PPFIBP2: variants seen among roughly 807,000 people sequenced by gnomAD.
PPFIBP2 encodes PPFIB scaffold protein 2.
A neutral mutation model predicts 118.3 loss-of-function variants in PPFIBP2; 118 were observed. That is an observed-to-expected ratio of 1.00 (90% CI 0.86 to 1.16). The LOEUF (loss-of-function observed/expected upper bound fraction) is 1.16, where lower values mean the gene tolerates loss of function less well. Among genes scored for constraint, PPFIBP2 ranks in the 50% most tolerant of loss-of-function variants. PPFIBP2 has a pLI of 0.00. For synonymous variants in PPFIBP2, 414 were observed against 397.4 expected (o/e 1.04, Z -0.50); for missense variants, 1,195 against 1,073.1 (o/e 1.11, Z -1.59).
rs1853654644 is a variant in PPFIBP2 at position 7,649,530 on chromosome 11, A to AG, written c.1999-1dup. The AG allele has an allele frequency of 1.9e-6, 3 of 1,614,022 alleles. No homozygotes were observed. Among genetic ancestry groups the AG allele is most frequent in the Non-Finnish European group, 2.5e-6 (3 of 1,180,034 alleles). ...TTTATAAACCAAACTTTCCTCTTTC[A>AG]GAACGATTTACTCTTCTTAAAAGTC... On this transcript the variant is annotated splice_acceptor_variant, in intron 20 of 23. Coordinates refer to ENST00000299492, the MANE Select transcript of PPFIBP2 (RefSeq NM_003621.5). LOFTEE classifies it high-confidence loss of function.
At chr11:7,628,932 A>G (rs1850384166) in intron 9 of PPFIBP2, among the ~76,000 whole-genome samples, 1 of 152,168 alleles carries the variant, frequency 6.6e-6, no homozygotes, top group African/African-American at 2.4e-5. Flanking sequence ...AGTAAATAGC[A>G]CAGCCAGCTT....
chr11:7,633,917 G>T (rs1342691373), intron 12 of PPFIBP2, among the ~76,000 whole-genome samples: 1 of 152,180 alleles, frequency 6.6e-6, no homozygotes, highest in Non-Finnish European at 1.5e-5. Flanking sequence ...ACCACTGGTG[G>T]CATTGCCTCT....
the PPFIBP2 span, among the ~76,000 whole-genome samples, chr11:7,662,287 G>T: frequency 6.6e-6 from 1 of 152,070 alleles, no homozygotes; most frequent in Admixed American, 6.5e-5. Flanking sequence ...GACTGGTACC[G>T]GTTGTTCCTT....
At chr11:7,619,668 A>T (rs1473607161) in intron 6 of PPFIBP2, among the ~76,000 whole-genome samples, 1 of 152,240 alleles carries the variant, frequency 6.6e-6, no homozygotes, top group Non-Finnish European at 1.5e-5. Flanking sequence ...GAAATGAGAC[A>T]TTCAAGTTGT....
At chr11:7,522,738 G>C (rs984889262) in intron 1 of PPFIBP2, among the ~76,000 whole-genome samples, 2 of 152,198 alleles carry the variant, frequency 1.3e-5, no homozygotes, top group Admixed American at 6.5e-5. Flanking sequence ...GGGCCCGAAG[G>C]CTCATGAGGC....
chr11:7,548,915 G>A (rs1852630687), intron 1 of PPFIBP2, among the ~76,000 whole-genome samples: 1 of 152,142 alleles, frequency 6.6e-6, no homozygotes, highest in Non-Finnish European at 1.5e-5. Context: ...GAGTGGAAGT[G>A]GCATTTGAGC....
intron 7 of PPFIBP2, among the ~76,000 whole-genome samples, chr11:7,624,489 G>A (rs4758006): frequency 1.3e-5 from 2 of 152,032 alleles, no homozygotes; most frequent in Non-Finnish European, 2.9e-5. Flanking sequence ...ATTACTTGGG[G>A]TTGGTCAGAT....
At chr11:7,635,329 C>T (rs957732118) in intron 13 of PPFIBP2, among the ~76,000 whole-genome samples, 6 of 152,204 alleles carry the variant, frequency 3.9e-5, no homozygotes, top group Non-Finnish European at 5.9e-5. Flanking sequence ...ACGTGTCTCT[C>T]GGTTGCCATG....
At chr11:7,593,110 C>A (rs771257393) in intron 3 of PPFIBP2, 22 bp from the exon 4 acceptor site, 4 of 1,605,248 alleles carry the variant, frequency 2.5e-6, no homozygotes, top group Non-Finnish European at 3.4e-6. Flanking sequence ...TAAGTGTATT[C>A]TTTTTTTTCT....
intron 3 of PPFIBP2, among the ~76,000 whole-genome samples, chr11:7,591,394 T>G (rs1200992171): frequency 6.7e-6 from 1 of 148,486 alleles, no homozygotes; most frequent in African/African-American, 2.5e-5. Flanking sequence ...TTTAATTCTC[T>G]GTCCACTGGA....
At chr11:7,519,992 G>A (rs1246941031) in intron 1 of PPFIBP2, among the ~76,000 whole-genome samples, 1 of 152,180 alleles carries the variant, frequency 6.6e-6, no homozygotes, top group Non-Finnish European at 1.5e-5. Flanking sequence ...CAGCTGCTGT[G>A]GCCTGCTTTC....
chr11:7,536,717 G>A (rs774065022), intron 1 of PPFIBP2, among the ~76,000 whole-genome samples: 3 of 152,108 alleles, frequency 2.0e-5, no homozygotes, highest in African/African-American at 4.8e-5. Context: ...GTAGCATCCC[G>A]GGAGCAGAAG....
chr11:7,555,031 C>T (rs754897542), intron 2 of PPFIBP2, among the ~76,000 whole-genome samples: 3 of 152,134 alleles, frequency 2.0e-5, no homozygotes, highest in Non-Finnish European at 2.9e-5. Context: ...TTGAATTACA[C>T]TGTTGACAAT....
intron 15 of PPFIBP2, among the ~76,000 whole-genome samples, chr11:7,640,180 C>T (rs1019628044): frequency 2.6e-5 from 4 of 152,040 alleles, no homozygotes; most frequent in African/African-American, 7.2e-5. Flanking sequence ...CTTTCCTGTC[C>T]TTCCTAGCAT....
intron 5 of PPFIBP2, chr11:7,605,883 T>C: frequency 1.3e-6 from 2 of 1,496,620 alleles, no homozygotes; most frequent in Non-Finnish European, 1.8e-6. Flanking sequence ...ACTGTGCTAC[T>C]GAGAAGCTGA....
chr11:7,633,747 A>G (rs1331794938), intron 12 of PPFIBP2, among the ~76,000 whole-genome samples: 1 of 152,236 alleles, frequency 6.6e-6, no homozygotes, highest in Non-Finnish European at 1.5e-5. Context: ...GTTTTGGAGA[A>G]TAAGAATTGT....
intron 6 of PPFIBP2, 22 bp downstream of exon 6, chr11:7,610,444 C>A (rs758464759): frequency 1.2e-6 from 2 of 1,609,204 alleles, no homozygotes; most frequent in South Asian, 2.2e-5. Flanking sequence ...TGTGTACTGT[C>A]CTAAGCTCAG....
intron 8 of PPFIBP2, among the ~76,000 whole-genome samples, chr11:7,626,473 T>A (rs564088940): frequency 6.6e-6 from 1 of 152,252 alleles, no homozygotes; most frequent in Non-Finnish European, 1.5e-5. Context: ...CTAGCACTTA[T>A]TATAACTTAC....
chr11:7,587,488 T>G (rs764938940), intron 3 of PPFIBP2, among the ~76,000 whole-genome samples: 1 of 152,234 alleles, frequency 6.6e-6, no homozygotes, highest in Non-Finnish European at 1.5e-5. Flanking sequence ...ACCAGAACTT[T>G]TGGTTGCAAA....
Sources: gnomAD v4.1 joint callset for allele counts (sites outside exome capture counted in the v4.1 genomes callset) on GRCh38, gnomAD v4.1.1 for gene constraint, MANE v1.5 for transcripts, NCBI Gene and HGNC (gene_info 2026-07-23, HGNC 2026-07-21) for gene names.